The following PARD3B variants were observed in gnomAD, a reference collection of about 807,000 sequenced individuals.
The protein encoded by PARD3B is partitioning defective 3 homolog B.
A neutral mutation model predicts 130.2 loss-of-function variants in PARD3B; 103 were observed. That is an observed-to-expected ratio of 0.79 (90% CI 0.67 to 0.93). The LOEUF is 0.93. Ranked by LOEUF, PARD3B falls within the 40% of genes least tolerant of loss-of-function variation. The pLI is 0.00. For missense variants in PARD3B, 1,609 were observed against 1,499.2 expected (o/e 1.07, Z -1.21); for synonymous variants, 583 against 553.2 (o/e 1.05, Z -0.76).
intron 18 of PARD3B, among the ~76,000 whole-genome samples, chr2:205,302,318 G>A (rs2042040248): frequency 6.6e-6 from 1 of 151,608 alleles, no homozygotes; most frequent in South Asian, 2.1e-4. Flanking sequence ...TGCCTTGTCT[G>A]CCTTGGCCTC....
chr2:205,130,532 T>C (rs1372840883), intron 10 of PARD3B, among the ~76,000 whole-genome samples: 1 of 152,188 alleles, frequency 6.6e-6, no homozygotes, highest in South Asian at 2.1e-4. Context: ...TGTGTGTACA[T>C]GTGCATGTAT....
chr2:204,639,050 T>C (rs532274351), intron 1 of PARD3B, among the ~76,000 whole-genome samples: 1 of 152,306 alleles, frequency 6.6e-6, no homozygotes, highest in East Asian at 1.9e-4. Flanking sequence ...ACTGACAAGT[T>C]GGTACCTACA....
At chr2:204,822,694 G>A (rs894336020) in intron 2 of PARD3B, among the ~76,000 whole-genome samples, 3 of 152,094 alleles carry the variant, frequency 2.0e-5, no homozygotes, top group African/African-American at 7.2e-5. Flanking sequence ...AAGAAATGGG[G>A]AAAACAGCTC....
At chr2:205,371,330 A>G (rs1341624439) in intron 18 of PARD3B, among the ~76,000 whole-genome samples, 1 of 152,172 alleles carries the variant, frequency 6.6e-6, no homozygotes, top group Non-Finnish European at 1.5e-5. Context: ...ACCACACACA[A>G]TGAAACTTGT....
rs2054420891 is a variant in PARD3B, at chr2:205,592,438, CT to C, written c.3261-23017del. Among the ~76,000 whole-genome samples, 1 of 152,154 alleles carries C rather than the reference CT, an allele frequency of 6.6e-6. No individual in the cohort carries two copies. Among genetic ancestry groups the C allele is most frequent in the Non-Finnish European group, 1.5e-5 (1 of 68,024 alleles). The stretch of plus-strand genomic sequence containing the variant: ...AACAGGAATCTCCAGCGAACATCCA[CT>C]AATAAACTTTATATTGGGTGCCTAC... On this transcript the variant is annotated intron_variant, in intron 22 of 22. Transcript: ENST00000406610. The surrounding 1 kb of genome is among the most constrained non-coding windows in gnomAD (Gnocchi z 4.5).
rs1337585921 is a variant in PARD3B, at chr2:205,288,746, T to C, written c.2186-11784T>C. The stretch of plus-strand genomic sequence containing the variant: ...TTTTCCTCATGCCTTTTCCTCTAAG[T>C]GGTGTGCCTGTCCACCTCCTACTTC... On this transcript the variant is annotated intron_variant, in intron 16 of 22. Transcript: ENST00000406610. This position sits in a 1 kb window ranked among gnomAD's most constrained non-coding sequence, Gnocchi z 4.0. Among the ~76,000 whole-genome samples, 2 of 152,194 alleles carry C rather than the reference T, an allele frequency of 1.3e-5. No homozygotes were observed. Among genetic ancestry groups the C allele is most frequent in the Non-Finnish European group, 2.9e-5 (2 of 68,024 alleles).
chr2:204,818,937 G>A (rs2043237631), intron 2 of PARD3B, among the ~76,000 whole-genome samples: 1 of 152,158 alleles, frequency 6.6e-6, no homozygotes. Context: ...TTTGGAACAT[G>A]TTAAGTAAGC....
intron 10 of PARD3B, among the ~76,000 whole-genome samples, chr2:205,136,863 T>G (rs756933421): frequency 5.3e-5 from 8 of 152,206 alleles, no homozygotes; most frequent in Non-Finnish European, 2.9e-5. Flanking sequence ...TGGGTCCACA[T>G]TGGAGATGAC....
intron 2 of PARD3B, among the ~76,000 whole-genome samples, chr2:204,856,805 A>G (rs1416837435): frequency 6.6e-6 from 1 of 151,868 alleles, no homozygotes; most frequent in African/African-American, 2.4e-5. Context: ...CTTATTTCCA[A>G]TTTTGGCACC....
At position 205,091,090 on chromosome 2, in the gene PARD3B, C is replaced by T. The variant is rs1702077135; in HGVS notation, c.505-13336C>T. 6.6e-6 allele frequency among the ~76,000 whole-genome samples: 1 copy of T among 152,162 alleles called. No individual in the cohort carries two copies. The highest frequency in any genetic ancestry group is 1.5e-5 in the Non-Finnish European group (1 of 68,044). ...TAAATTAAGCAATCTGATTATAGTA[C>T]ACCTTGGCTGCTTCTAGTTATTCTA... On this transcript the variant is annotated intron_variant, in intron 4 of 22. Coordinates refer to ENST00000406610, the MANE Select transcript of PARD3B (RefSeq NM_001302769.2). This position sits in a 1 kb window ranked among gnomAD's most constrained non-coding sequence, Gnocchi z 4.2.
chr2:204,559,089 G>C (rs896105807), intron 1 of PARD3B, among the ~76,000 whole-genome samples: 2 of 151,954 alleles, frequency 1.3e-5, no homozygotes, highest in Non-Finnish European at 2.9e-5. Flanking sequence ...CATGAAAACC[G>C]TAGAAGAAAA....
chr2:204,721,293 G>A (rs1242807228), intron 2 of PARD3B, among the ~76,000 whole-genome samples: 1 of 152,166 alleles, frequency 6.6e-6, no homozygotes, highest in Non-Finnish European at 1.5e-5. Context: ...GGTGGAATAT[G>A]AAGCTGGTTA....
intron 2 of PARD3B, among the ~76,000 whole-genome samples, chr2:204,804,033 G>C (rs926862664): frequency 1.3e-5 from 2 of 152,036 alleles, no homozygotes; most frequent in South Asian, 4.1e-4. Context: ...GGGCAACATG[G>C]CAAAACCCTG....
intron 2 of PARD3B, among the ~76,000 whole-genome samples, chr2:204,740,875 A>G (rs1053875043): frequency 2.0e-5 from 3 of 152,222 alleles, no homozygotes; most frequent in Non-Finnish European, 4.4e-5. Context: ...CTCATATTTG[A>G]TAGTGGATGT....
At chr2:205,492,913 G>T (rs960815888) in intron 20 of PARD3B, among the ~76,000 whole-genome samples, 3 of 152,062 alleles carry the variant, frequency 2.0e-5, no homozygotes, top group Admixed American at 2.0e-4. Context: ...GGTGTTGGGG[G>T]TGTAGTTTCT....
chr2:204,566,736 C>T (rs1189488804), intron 1 of PARD3B, among the ~76,000 whole-genome samples: 1 of 152,100 alleles, frequency 6.6e-6, no homozygotes, highest in Non-Finnish European at 1.5e-5. Context: ...TAATTTTCCT[C>T]AGGGTTGTTT....
chr2:204,946,759 C>A (rs236831), intron 2 of PARD3B, among the ~76,000 whole-genome samples: 114,394 of 152,106 alleles, frequency 0.75, 43,819 homozygotes, highest in African/African-American at 0.89. Context: ...TTAGAGACCT[C>A]GAAGAGCTGA....
chr2:205,255,220 T>C (rs2040029227), intron 16 of PARD3B, among the ~76,000 whole-genome samples: 1 of 152,244 alleles, frequency 6.6e-6, no homozygotes, highest in Non-Finnish European at 1.5e-5. Flanking sequence ...ATTGTTTAAC[T>C]TCAAGTGTCT....
chr2:204,765,571 A>T (rs931315162), intron 2 of PARD3B, among the ~76,000 whole-genome samples: 1 of 152,148 alleles, frequency 6.6e-6, no homozygotes, highest in African/African-American at 2.4e-5. Context: ...TAATTTCAAA[A>T]GTCTTTTATA....
Sources: gnomAD v4.1 joint callset for allele counts (sites outside exome capture counted in the v4.1 genomes callset) on GRCh38, gnomAD v4.1.1 for gene constraint, Gnocchi (gnomAD v3.1) non-coding constraint, MANE v1.5 for transcripts, NCBI Gene and HGNC (gene_info 2026-07-23, HGNC 2026-07-21) for gene names.